Variants in CEP72 observed in about 807,000 individuals in gnomAD.
The protein encoded by CEP72 is centrosomal protein of 72 kDa.
A neutral mutation model predicts 65.7 loss-of-function variants in CEP72; 78 were observed. That is an observed-to-expected ratio of 1.19 (90% CI 0.99 to 1.43). The LOEUF is 1.43. Among genes scored for constraint, CEP72 ranks in the 40% most tolerant of loss-of-function variants. CEP72 has a pLI of 0.00. For missense variants in CEP72, 914 were observed against 832.9 expected, an observed-to-expected ratio of 1.10 and a Z score of -1.20; for synonymous variants, 358 against 351.7, an observed-to-expected ratio of 1.02 and a Z score of -0.20.
At chr5:651,042 G>A (rs138759289) in intron 11 of CEP72, among the ~76,000 whole-genome samples, 2,020 of 76,798 alleles carry the variant, frequency 0.026, 15 homozygotes, top group Non-Finnish European at 0.04. Context: ...TGGACTGTGA[G>A]GTGTGACTGT....
At chr5:633,415 C>G (rs1737351183) in intron 4 of CEP72, among the ~76,000 whole-genome samples, 1 of 146,532 alleles carries the variant, frequency 6.8e-6, no homozygotes, top group African/African-American at 2.5e-5. Flanking sequence ...TGGTGGGGTG[C>G]TGTCCAGTGC....
chr5:660,162 G>A (rs937607225), downstream of CEP72: 1 of 151,520 alleles, frequency 6.6e-6, no homozygotes, highest in Non-Finnish European at 1.5e-5. Flanking sequence ...GATGCACTCA[G>A]TACTCCCTAA....
the CEP72 span, among the ~76,000 whole-genome samples, chr5:674,590 AG>A: frequency 6.6e-6 from 1 of 152,138 alleles, no homozygotes; most frequent in Non-Finnish European, 1.5e-5. Flanking sequence ...TCCCGGGCAC[AG>A]CCCAGGTCAC....
chr5:661,476 C>T (rs567735059), downstream of CEP72: 1 of 152,526 alleles, frequency 6.6e-6, no homozygotes, highest in Non-Finnish European at 1.5e-5. Flanking sequence ...AGAACCTGTC[C>T]CTCTCTCCTG....
intron 7 of CEP72, 32 bp from the exon 8 acceptor site, chr5:639,057 T>G: frequency 1.9e-6 from 3 of 1,612,562 alleles, no homozygotes; most frequent in Non-Finnish European, 2.5e-6. Context: ...AGTTACTGAC[T>G]CGCTGGCCTC....
intron 8 of CEP72, among the ~76,000 whole-genome samples, chr5:639,901 C>T (rs1251702686): frequency 2.0e-5 from 3 of 152,228 alleles, no homozygotes; most frequent in Non-Finnish European, 2.9e-5. Flanking sequence ...GTGTTATAGC[C>T]CCTCAGCTCC....
At chr5:665,193 GCCTTGC>G (rs745553507) in exon 3 of CEP72, 15 of 1,613,684 alleles carry the variant, frequency 9.3e-6, no homozygotes, top group Non-Finnish European at 1.2e-5. Flanking sequence ...CACGCGGCCA[GCCTTGC>G]CCTTGCCCTT....
chr5:618,922 G>C, intron 1 of CEP72, 68 bp from the exon 2 acceptor site: 1 of 1,304,646 alleles, frequency 7.7e-7, no homozygotes. Flanking sequence ...CCAACACCAA[G>C]AACTTGACCG....
At chr5:672,425 C>T in the CEP72 span, among the ~76,000 whole-genome samples, 1 of 152,254 alleles carries the variant, frequency 6.6e-6, no homozygotes, top group African/African-American at 2.4e-5. Context: ...TACACCACAC[C>T]CAGCACACAA....
At chr5:637,936 C>G in intron 7 of CEP72, 118 bp downstream of exon 7, 6 of 1,014,534 alleles carry the variant, frequency 5.9e-6, no homozygotes, top group Non-Finnish European at 8.4e-6. Context: ...CTCCCTGATG[C>G]AGGGCTGTTA....
chr5:639,347 C>A, intron 8 of CEP72, 123 bp downstream of exon 8: 1 of 1,151,792 alleles, frequency 8.7e-7, no homozygotes, highest in Non-Finnish European at 1.2e-6. Context: ...CTCCCACGAG[C>A]GTGTGGTGGT....
chr5:621,048 C>T (rs1204647875), intron 3 of CEP72, among the ~76,000 whole-genome samples: 1 of 152,202 alleles, frequency 6.6e-6, no homozygotes. Flanking sequence ...TCTCTTACCT[C>T]AGTCCTCCTG....
chr5:623,013 C>T lies in CEP72; in HGVS notation c.404-1458C>T, dbSNP rs950662670. 3.3e-5 allele frequency among the ~76,000 whole-genome samples: 5 copies of T among 152,134 alleles called. No homozygotes were observed. The highest frequency in any genetic ancestry group is 2.1e-4 in the South Asian group (1 of 4,832). On this transcript the variant is annotated intron_variant, in intron 3 of 11. Coordinates refer to ENST00000264935, the MANE Select transcript of CEP72 (RefSeq NM_018140.4). This position sits in a 1 kb window ranked among gnomAD's most constrained non-coding sequence, Gnocchi z 5.3. Reference sequence around the variant, plus strand: ...TCTTAGTGTTTCTGCAGAGAAGGAGCGCAGCCGTCTCCCCTCTTAGTGTTT... The same window carrying T: ...TCTTAGTGTTTCTGCAGAGAAGGAGTGCAGCCGTCTCCCCTCTTAGTGTTT...
At chr5:641,450 C>T (rs1355506661) in intron 9 of CEP72, 4 of 985,350 alleles carry the variant, frequency 4.1e-6, no homozygotes, top group African/African-American at 1.7e-5. Context: ...CTGAACTTGT[C>T]TGACAAGTAC....
intron 9 of CEP72, chr5:643,566 GCA>G: frequency 1.0e-6 from 1 of 985,412 alleles, no homozygotes; most frequent in Non-Finnish European, 1.2e-6. Flanking sequence ...GGCTTCTGCT[GCA>G]CAGACTCAGG....
chr5:640,434 G>A lies in CEP72; in HGVS notation c.1369G>A (p.Val457Ile), dbSNP rs760913141. 1.9e-6 allele frequency: 3 copies of A among 1,614,182 alleles called. No homozygotes were observed. The highest frequency in any genetic ancestry group is 2.5e-6 in the Non-Finnish European group (3 of 1,180,002). ...TCAGGCAAGACACATCTTGTCATCT[G>A]TTGAAGAATTCACAGCAGCTCAGGA... ...LAQARHILSS[V>I]EEFTAAQDSS... Residue 457 changes from valine to isoleucine, a missense_variant, in exon 9 of 12, where the codon GTT becomes ATT. Transcript: ENST00000264935.
chr5:613,515 G>A (rs1735808513), intron 1 of CEP72, among the ~76,000 whole-genome samples: 1 of 152,152 alleles, frequency 6.6e-6, no homozygotes, highest in Non-Finnish European at 1.5e-5. Flanking sequence ...ACAAGCACGC[G>A]CCACCATGCC....
intron 7 of CEP72, among the ~76,000 whole-genome samples, chr5:638,079 A>T (rs570738145): frequency 2.6e-5 from 4 of 152,248 alleles, no homozygotes; most frequent in African/African-American, 9.6e-5. Flanking sequence ...CATCACACTT[A>T]GGGTTCCAGG....
rs957206027 is a variant in CEP72 at position 642,265 on chromosome 5, C to T, written c.1539+1661C>T. 57 of 984,838 alleles carry T rather than the reference C, an allele frequency of 5.8e-5. 1 individual carries two copies. The highest frequency in any genetic ancestry group is 4.8e-5 in the Non-Finnish European group (40 of 829,582). 61.0% of individuals were successfully genotyped at this position (984,838 alleles called of 1,614,324 possible). A position where few individuals can be genotyped will look rare whatever the true frequency, so the allele number is the denominator to read the frequency against. Reference sequence around the variant, plus strand: ...CCAGAAGCCTCTGCTTTTAAACCAACGTGGCCCCTCCTCTGGAAGCCTCTG... The same window carrying T: ...CCAGAAGCCTCTGCTTTTAAACCAATGTGGCCCCTCCTCTGGAAGCCTCTG... On this transcript the variant is annotated intron_variant, in intron 9 of 11. Coordinates refer to ENST00000264935, the MANE Select transcript of CEP72 (RefSeq NM_018140.4).
Sources: allele counts gnomAD v4.1 joint callset (sites outside exome capture counted in the v4.1 genomes callset), GRCh38; gene constraint gnomAD v4.1.1; non-coding constraint Gnocchi (gnomAD v3.1); transcripts MANE v1.5; gene names NCBI Gene and HGNC (gene_info 2026-07-23, HGNC 2026-07-21).